SEPTIN3: variants seen among roughly 807,000 people sequenced by gnomAD.
SEPTIN3 encodes the protein neuronal-specific septin-3.
A neutral mutation model predicts 45.1 loss-of-function variants in SEPTIN3; 15 were observed. The observed-to-expected ratio is 0.33, with a 90% CI of 0.22 to 0.51. The LOEUF is 0.51. SEPTIN3 is among the 20% of genes least tolerant of loss of function. The probability of loss-of-function intolerance (pLI) is 0.97; values close to 1 mark genes in which losing one functional copy is unlikely to be tolerated. For synonymous variants in SEPTIN3, 148 were observed against 164.8 expected, an observed-to-expected ratio of 0.90 and a Z score of 0.78; for missense variants, 289 against 457.2, an observed-to-expected ratio of 0.63 and a Z score of 3.35.
chr22:41,995,256 G>A (rs959975996), intron 11 of SEPTIN3: 3 of 992,022 alleles, frequency 3.0e-6, no homozygotes, highest in African/African-American at 3.5e-5. Flanking sequence ...GTAAGTTGGG[G>A]GTGGTCTGGG....
In SEPTIN3 at chr22:41,972,222, C is replaced by A. The variant is rs941542227; in HGVS notation, c.730C>A (p.Arg244=). 2.0e-5 allele frequency: 8 copies of A among 398,900 alleles called. No homozygotes were observed. The highest frequency in any genetic ancestry group is 1.2e-4 in the African/African-American group (6 of 48,632). The allele number at this position is 398,900 out of a possible 1,614,324, so 24.7% of individuals were successfully genotyped here. The change falls in exon 2 of 12, where the codon CGG becomes AGG. Residue 244 remains arginine (R), a synonymous_variant. Transcript: ENST00000644076. Reference sequence around the variant, plus strand: ...CCGGGCCAGGGGGATCCCCAGACCCCGGGGGCGTCTCCAAAGGGCCAACAC... The same window carrying A: ...CCGGGCCAGGGGGATCCCCAGACCCAGGGGGCGTCTCCAAAGGGCCAACAC... ...KPRARGIPRP[R]GRLQRANTTV...
Position 41,977,052 on chromosome 22 carries a change from C to G in SEPTIN3, c.1504+4056C>G, listed in dbSNP as rs1257040515. 6 of 1,601,448 alleles carry G rather than the reference C, an allele frequency of 3.7e-6. No individual in the cohort carries two copies. The South Asian group carries it at 6.7e-5, about 18-fold the overall frequency. ...GAGCATCTCCCTGGAGGAACGGAGA[C>G]AAAGGAGGATTCATGTCCAAAGGTA... On this transcript the variant is annotated intron_variant, in intron 2 of 11. Transcript: ENST00000644076.
chr22:41,991,511 A>T lies in SEPTIN3; in HGVS notation c.2164-62A>T, dbSNP rs759134765. 107 of 1,211,498 alleles carry T rather than the reference A, an allele frequency of 8.8e-5. 1 individual carries two copies. In the Middle Eastern group the frequency reaches 9.4e-4, roughly 11 times the overall value. 75.0% of individuals were successfully genotyped at this position (1,211,498 alleles called of 1,614,324 possible). A position where few individuals can be genotyped will look rare whatever the true frequency, so the allele number is the denominator to read the frequency against. ...GACCTCAGCTCACGCACACAGGTGC[A>T]CACACCCCTCTTTTCCATTACCCTG... is the stretch of plus-strand genomic sequence containing the variant. On this transcript the variant is annotated intron_variant, in intron 7 of 11. Coordinates refer to ENST00000644076, the MANE Select transcript of SEPTIN3 (RefSeq NM_001363845.2).
At chr22:41,993,888 G>A in intron 9 of SEPTIN3, among the ~76,000 whole-genome samples, 1 of 152,168 alleles carries the variant, frequency 6.6e-6, no homozygotes, top group African/African-American at 2.4e-5. Flanking sequence ...TTGTCATGTA[G>A]TGCATGACCT....
chr22:41,986,737 G>A (rs1157919952), intron 4 of SEPTIN3, among the ~76,000 whole-genome samples: 3 of 152,030 alleles, frequency 2.0e-5, no homozygotes, highest in East Asian at 1.9e-4. Context: ...TCCTGAGCTC[G>A]TGATCCGCCT....
At chr22:41,984,875 C>T (rs1288643723) in intron 3 of SEPTIN3, among the ~76,000 whole-genome samples, 1 of 90,380 alleles carries the variant, frequency 1.1e-5, no homozygotes, top group Non-Finnish European at 2.1e-5. Flanking sequence ...TTTTTTGAGA[C>T]GGAGTCTCGC....
At chr22:41,989,705 C>G (rs756993711) in intron 7 of SEPTIN3, 21 bp downstream of exon 7, 6 of 1,479,126 alleles carry the variant, frequency 4.1e-6, no homozygotes, top group Non-Finnish European at 5.7e-6. Context: ...CCCCTGTCTT[C>G]TTTTCCTGTT....
rs769633485 is a variant in SEPTIN3 at position 41,987,701 on chromosome 22, C to T, written c.1987C>T (p.Arg663Cys). Reference sequence around the variant, plus strand: ...GGAGGTCAACATCGCCAGGAAGAAACGCATCCCTGACACTCGTGTCCACTG... The same window carrying T: ...GGAGGTCAACATCGCCAGGAAGAAATGCATCCCTGACACTCGTGTCCACTG... ...KEEVNIARKKRIPDTRVHCCL... is the reference protein window; with the variant it reads ...KEEVNIARKKCIPDTRVHCCL... The change falls in exon 6 of 12, where the codon CGC (arginine) becomes TGC (cysteine). Residue 663 changes from arginine to cysteine, a missense_variant. Around this residue, in one of 3 missense-constraint regions of SEPTIN3, gnomAD observed 200 missense variants for 315.1 expected, o/e 0.63. Transcript: ENST00000644076. 3.7e-6 allele frequency: 6 copies of T among 1,614,068 alleles called. No homozygotes were observed. The highest frequency in any genetic ancestry group is 1.7e-5 in the Admixed American group (1 of 60,028).
intron 6 of SEPTIN3, among the ~76,000 whole-genome samples, chr22:41,988,980 G>C (rs2078255007): frequency 6.6e-6 from 1 of 152,080 alleles, no homozygotes; most frequent in Non-Finnish European, 1.5e-5. Context: ...TTAAAAATTA[G>C]CCAGACATGG....
rs1010775933 is a variant in SEPTIN3 at position 41,995,079 on chromosome 22, CAGG to C, written c.2505+368_2505+370del. On this transcript the variant is annotated intron_variant, in intron 11 of 11. Transcript: ENST00000644076. ...CCAAAACAAAGCTGTTTGCCTCACT[CAGG>C]AGATCTGGGGGAGGTTTCATTTAAA... The C allele has an allele frequency of 5.1e-5, 57 of 1,122,584 alleles. 1 individual carries two copies. Among genetic ancestry groups the C allele is most frequent in the South Asian group, 1.3e-4 (5 of 39,958 alleles). 69.5% of individuals were successfully genotyped at this position (1,122,584 alleles called of 1,614,324 possible). A position where few individuals can be genotyped will look rare whatever the true frequency, so the allele number is the denominator to read the frequency against.
intron 8 of SEPTIN3, 120 bp downstream of exon 8, chr22:41,991,788 A>G: frequency 2.7e-6 from 2 of 751,210 alleles, no homozygotes; most frequent in South Asian, 3.1e-5. Flanking sequence ...TGCCTGACCC[A>G]GACCAGAAGT....
At chr22:41,977,069 C>T (rs1327064617) in intron 2 of SEPTIN3, 2 of 1,601,578 alleles carry the variant, frequency 1.2e-6, no homozygotes, top group African/African-American at 2.7e-5. Flanking sequence ...GGATTCATGT[C>T]CAAAGGTAGG....
chr22:41,976,700 C>T lies in SEPTIN3; in HGVS notation c.1504+3704C>T, dbSNP rs1255922366. 2 of 152,644 alleles carry T rather than the reference C, an allele frequency of 1.3e-5. No homozygotes were observed. Among genetic ancestry groups the T allele is most frequent in the Non-Finnish European group, 2.9e-5 (2 of 67,952 alleles). The allele number at this position is 152,644 out of a possible 1,614,324, so 9.5% of individuals were successfully genotyped here. A position where few individuals can be genotyped will look rare whatever the true frequency, so the allele number is the denominator to read the frequency against. On this transcript the variant is annotated intron_variant, in intron 2 of 11. Coordinates refer to ENST00000644076, the MANE Select transcript of SEPTIN3 (RefSeq NM_001363845.2). This position sits in a 1 kb window ranked among gnomAD's most constrained non-coding sequence, Gnocchi z 5.8. ...TCCTGGACCGCCCGCAGCGTGGACC[C>T]GGGACCAGTTCCCGCTTGCGGGCGC...
intron 11 of SEPTIN3, chr22:41,995,708 C>T (rs2146731605): frequency 1.0e-6 from 1 of 985,408 alleles, no homozygotes; most frequent in African/African-American, 1.7e-5. Flanking sequence ...CCAGAGAAAT[C>T]TGGGTCAAAG....
At position 41,981,630 on chromosome 22, in the gene SEPTIN3, A is replaced by G. The variant is rs1284325540; in HGVS notation, c.1505-15A>G. ...CCTGATCACCCCTCCGACCCCTCCC[A>G]CCTTGGCTCTGCAGGGCTCCCAGAG... On this transcript the variant is annotated splice_polypyrimidine_tract_variant and intron_variant, in intron 2 of 11. Transcript: ENST00000644076. The G allele has an allele frequency of 6.2e-7, 1 of 1,602,758 alleles. No individual in the cohort carries two copies. Among genetic ancestry groups the G allele is most frequent in the Non-Finnish European group, 8.5e-7 (1 of 1,173,380 alleles).
chr22:41,994,197 A>G lies in SEPTIN3; in HGVS notation c.2360-93A>G. On this transcript the variant is annotated intron_variant, in intron 9 of 11. Coordinates refer to ENST00000644076, the MANE Select transcript of SEPTIN3 (RefSeq NM_001363845.2). This position sits in a 1 kb window ranked among gnomAD's most constrained non-coding sequence, Gnocchi z 4.2. ...GACCTGTCCCATAGCTTTCTCCTAAATGCCTCCGTGACCCAAACAGAAGCT... is the reference window on the plus strand; with the variant it reads ...GACCTGTCCCATAGCTTTCTCCTAAGTGCCTCCGTGACCCAAACAGAAGCT... 1 of 1,185,918 alleles carries G rather than the reference A, an allele frequency of 8.4e-7. No homozygotes were observed. Among genetic ancestry groups the G allele is most frequent in the South Asian group, 1.2e-5 (1 of 80,400 alleles). 73.5% of individuals were successfully genotyped at this position (1,185,918 alleles called of 1,614,324 possible).
intron 3 of SEPTIN3, 83 bp downstream of exon 3, chr22:41,981,919 C>T (rs534385680): frequency 2.4e-6 from 3 of 1,247,500 alleles, no homozygotes; most frequent in Admixed American, 2.0e-5. Flanking sequence ...TGGCTGTGAC[C>T]CTGGCTCTTC....
intron 2 of SEPTIN3, among the ~76,000 whole-genome samples, chr22:41,973,683 A>C (rs1394652437): frequency 6.6e-6 from 1 of 151,100 alleles, no homozygotes; most frequent in Non-Finnish European, 1.5e-5. Context: ...AAAAAAATAA[A>C]AAAATAAAAA....
At chr22:41,980,631 G>A (rs1346103178) in intron 2 of SEPTIN3, among the ~76,000 whole-genome samples, 2 of 152,176 alleles carry the variant, frequency 1.3e-5, no homozygotes, top group Non-Finnish European at 2.9e-5. Context: ...GGAAATGGAG[G>A]TGCTCTATTC....
Sources: allele counts gnomAD v4.1 joint callset (sites outside exome capture counted in the v4.1 genomes callset), GRCh38; gene constraint gnomAD v4.1.1; regional missense constraint gnomAD v4.1.1; non-coding constraint Gnocchi (gnomAD v3.1); transcripts MANE v1.5; gene names NCBI Gene and HGNC (gene_info 2026-07-23, HGNC 2026-07-21).